DNAAF9: variants seen among roughly 807,000 people sequenced by gnomAD.
DNAAF9 encodes the protein shulin.
Under a neutral mutation model 167.0 loss-of-function variants are expected in DNAAF9, and 90 were observed. The observed-to-expected ratio is 0.54, with a 90% CI of 0.45 to 0.64. DNAAF9 has a LOEUF of 0.64. Ranked by LOEUF, DNAAF9 falls within the 30% of genes least tolerant of loss-of-function variation. DNAAF9 has a pLI of 0.00. For missense variants in DNAAF9, 1,315 were observed against 1,442.2 expected (o/e 0.91, Z 1.43); for synonymous variants, 491 against 508.8 (o/e 0.96, Z 0.47).
chr20:3,330,791 CTTT>C (rs34084211), intron 11 of DNAAF9, 109 bp from the exon 12 acceptor site: 2,030 of 411,998 alleles, frequency 4.9e-3, no homozygotes, highest in South Asian at 8.7e-3. Context: ...AAGAACTACA[CTTT>C]TTTTTTTTTT....
intron 23 of DNAAF9, chr20:3,295,678 G>A: frequency 3.6e-6 from 2 of 558,048 alleles, no homozygotes; most frequent in Non-Finnish European, 7.2e-6. Context: ...GAGACAAACT[G>A]TAACACAGTC....
intron 3 of DNAAF9, among the ~76,000 whole-genome samples, chr20:3,377,494 C>T (rs991292743): frequency 6.0e-5 from 9 of 150,660 alleles, no homozygotes; most frequent in African/African-American, 1.5e-4. Flanking sequence ...CAGGGTTTCA[C>T]TCTGTCACCC....
chr20:3,390,082 G>A (rs187526912), intron 1 of DNAAF9, among the ~76,000 whole-genome samples: 1 of 151,762 alleles, frequency 6.6e-6, no homozygotes, highest in East Asian at 1.9e-4. Flanking sequence ...AGACATCTGA[G>A]AAAACTTGAA....
intron 7 of DNAAF9, among the ~76,000 whole-genome samples, chr20:3,354,282 G>C (rs2083256648): frequency 6.6e-6 from 1 of 152,232 alleles, no homozygotes; most frequent in Admixed American, 6.5e-5. Flanking sequence ...AATGGATACT[G>C]TTGTAAGTAA....
chr20:3,359,871 G>A (rs1330508187), intron 6 of DNAAF9, among the ~76,000 whole-genome samples: 3 of 152,008 alleles, frequency 2.0e-5, no homozygotes, highest in Admixed American at 6.6e-5. Context: ...TGTGTATATT[G>A]TATATTTTTT....
intron 14 of DNAAF9, among the ~76,000 whole-genome samples, chr20:3,323,274 C>CTT (rs71195835): frequency 6.6e-3 from 459 of 69,108 alleles, no homozygotes; most frequent in Middle Eastern, 0.019. Flanking sequence ...GTGAAGTAAT[C>CTT]TTTTTTTTTT....
At chr20:3,359,636 C>T in intron 6 of DNAAF9, 43 bp from the exon 7 acceptor site, 1 of 1,301,504 alleles carries the variant, frequency 7.7e-7, no homozygotes, top group Non-Finnish European at 1.1e-6. Flanking sequence ...AAGTCAATAT[C>T]ATTAGGACAA....
chr20:3,274,268 G>C (rs969608642), intron 29 of DNAAF9, among the ~76,000 whole-genome samples: 2 of 151,890 alleles, frequency 1.3e-5, no homozygotes, highest in African/African-American at 2.4e-5. Context: ...TCATCCTCCT[G>C]AGTAGCTGGA....
chr20:3,331,478 T>C (rs1421416795), intron 11 of DNAAF9, among the ~76,000 whole-genome samples: 6 of 152,162 alleles, frequency 3.9e-5, no homozygotes, highest in Admixed American at 3.9e-4. Flanking sequence ...CCATGTGTCT[T>C]TGGATACCTG....
rs10522445 is a variant in DNAAF9 at position 3,394,949 on chromosome 20, C to CTTTTTTTTTTTT, written c.84-12455_84-12444dup. On this transcript the variant is annotated intron_variant, in intron 1 of 36. Coordinates refer to ENST00000252032, the MANE Select transcript of DNAAF9 (RefSeq NM_001009984.3). ...GCTTTTACTGAACATTTTCTTTTTTCTTTTTTTTTTTTTTTTTTTTTTTTT... is the reference window on the plus strand; with the variant it reads ...GCTTTTACTGAACATTTTCTTTTTTCTTTTTTTTTTTTTTTTTTTTTTTTTTTTTTTTTTTTT... 5.2e-4 allele frequency among the ~76,000 whole-genome samples: 53 copies of CTTTTTTTTTTTT among 102,126 alleles called. 2 individuals are homozygous for CTTTTTTTTTTTT. The highest frequency in any genetic ancestry group is 6.4e-4 in the Non-Finnish European group (34 of 52,754). 67.0% of individuals were successfully genotyped at this position (102,126 alleles called of 152,430 possible). A position where few individuals can be genotyped will look rare whatever the true frequency, so the allele number is the denominator to read the frequency against.
intron 30 of DNAAF9, among the ~76,000 whole-genome samples, chr20:3,268,706 A>G (rs1278042069): frequency 6.6e-6 from 1 of 152,128 alleles, no homozygotes; most frequent in Admixed American, 6.6e-5. Context: ...AAATATCTAC[A>G]TAGTTCAAAA....
At chr20:3,279,377 C>T (rs896358723) in intron 28 of DNAAF9, among the ~76,000 whole-genome samples, 3 of 152,206 alleles carry the variant, frequency 2.0e-5, no homozygotes, top group Admixed American at 2.0e-4. Flanking sequence ...ATGCTATAAC[C>T]TCAATTCTCC....
At chr20:3,270,175 C>G (rs1425671147) in intron 30 of DNAAF9, among the ~76,000 whole-genome samples, 2 of 140,980 alleles carry the variant, frequency 1.4e-5, no homozygotes, top group African/African-American at 2.6e-5. Flanking sequence ...GGGTCTTGCT[C>G]TGTCTCTCAG....
Position 3,294,258 on chromosome 20 carries a change from TA to T in DNAAF9, c.2121-3del. The stretch of plus-strand genomic sequence containing the variant: ...CTGATGGCGAAATGCTGGAGAAACC[TA>T]AAAACACAAAGACAATGCTATTATG... On this transcript the variant is annotated splice_polypyrimidine_tract_variant and splice_region_variant and intron_variant, in intron 24 of 36. Transcript: ENST00000252032. 1.3e-6 allele frequency: 2 copies of T among 1,588,012 alleles called. No homozygotes were observed. Among genetic ancestry groups the T allele is most frequent in the African/African-American group, 1.3e-5 (1 of 74,586 alleles).
At chr20:3,274,604 A>G (rs571228445) in intron 29 of DNAAF9, among the ~76,000 whole-genome samples, 1 of 152,218 alleles carries the variant, frequency 6.6e-6, no homozygotes, top group East Asian at 1.9e-4. Context: ...GAAACCAAAT[A>G]TCCTCCTCTG....
rs1262610311 is a variant in DNAAF9, at chr20:3,259,455, C to A, written c.3055+25G>T. The stretch of plus-strand genomic sequence containing the variant: ...GATGCAAGCACTCCATGGTGTAGAG[C>A]TCCCAAATCCCAGCCCCTGGTTACC... On this transcript the variant is annotated intron_variant, in intron 33 of 36. Transcript: ENST00000252032. 3 of 1,463,900 alleles carry A rather than the reference C, an allele frequency of 2.0e-6. No individual in the cohort carries two copies. In the African/African-American group the frequency reaches 4.2e-5, roughly 20 times the overall value. The allele number at this position is 1,463,900 out of a possible 1,614,324, so 90.7% of individuals were successfully genotyped here.
intron 21 of DNAAF9, among the ~76,000 whole-genome samples, chr20:3,303,237 G>A (rs748155068): frequency 1.4e-4 from 20 of 142,674 alleles, no homozygotes; most frequent in Non-Finnish European, 2.0e-4. Context: ...GCGAGACTCT[G>A]TCTCAAAAAA....
chr20:3,404,093 G>T (rs1180407329), intron 1 of DNAAF9, among the ~76,000 whole-genome samples: 1 of 152,210 alleles, frequency 6.6e-6, no homozygotes, highest in Non-Finnish European at 1.5e-5. Flanking sequence ...GCAATGGCAA[G>T]ATCTTGGCTC....
At chr20:3,281,032 AT>A (rs898652722) in intron 28 of DNAAF9, among the ~76,000 whole-genome samples, 4 of 150,344 alleles carry the variant, frequency 2.7e-5, no homozygotes, top group African/African-American at 7.3e-5. Context: ...TATTAAAAAA[AT>A]TTTTTTTTTG....
Sources: allele counts gnomAD v4.1 joint callset (sites outside exome capture counted in the v4.1 genomes callset), GRCh38; gene constraint gnomAD v4.1.1; transcripts MANE v1.5; gene names NCBI Gene and HGNC (gene_info 2026-07-23, HGNC 2026-07-21).